RNLS: variants seen among roughly 807,000 people sequenced by gnomAD.
The protein encoded by RNLS is renalase, FAD dependent amine oxidase.
Under a neutral mutation model 39.8 loss-of-function variants are expected in RNLS, and 39 were observed. The observed-to-expected ratio is 0.98, with a 90% CI of 0.76 to 1.28. The LOEUF is 1.28. Among genes scored for constraint, RNLS ranks in the 50% most tolerant of loss-of-function variants. The probability of loss-of-function intolerance (pLI) is 0.00; values close to 1 mark genes in which losing one functional copy is unlikely to be tolerated. For missense variants in RNLS, 410 were observed against 413.3 expected (o/e 0.99, Z 0.07); for synonymous variants, 147 against 150.7 (o/e 0.98, Z 0.18).
At chr10:88,399,995 C>T (rs1267579920) in intron 4 of RNLS, among the ~76,000 whole-genome samples, 1 of 151,908 alleles carries the variant, frequency 6.6e-6, no homozygotes, top group East Asian at 1.9e-4. Flanking sequence ...CTATTTCACT[C>T]GAATCTCTTA....
the RNLS span, among the ~76,000 whole-genome samples, chr10:88,208,002 G>A: frequency 2.0e-5 from 3 of 152,150 alleles, no homozygotes; most frequent in African/African-American, 4.8e-5. Flanking sequence ...TTCTCAGGCC[G>A]ACACAGCCCC....
the RNLS span, among the ~76,000 whole-genome samples, chr10:88,266,245 G>T: frequency 1.3e-5 from 2 of 152,242 alleles, no homozygotes; most frequent in Non-Finnish European, 2.9e-5. Flanking sequence ...TTCTCCACAG[G>T]CTCCCCTGAG....
At chr10:88,300,991 C>T (rs1486599651) in intron 6 of RNLS, among the ~76,000 whole-genome samples, 1 of 152,124 alleles carries the variant, frequency 6.6e-6, no homozygotes, top group East Asian at 1.9e-4. Flanking sequence ...ATGCTGGGGG[C>T]AAGTGAATAT....
At position 88,501,972 on chromosome 10, in the gene RNLS, C is replaced by T. The variant is rs183565511; in HGVS notation, c.526+70931G>A. Among the ~76,000 whole-genome samples the T allele has an allele frequency of 5.3e-5, 8 of 152,154 alleles. No individual in the cohort carries two copies. The East Asian group carries it at 1.6e-3, about 29-fold the overall frequency. On this transcript the variant is annotated intron_variant, in intron 4 of 6. Coordinates refer to ENST00000331772, the MANE Select transcript of RNLS (RefSeq NM_001031709.3). The stretch of plus-strand genomic sequence containing the variant: ...TATAACACTTATTGCATATCTGTCT[C>T]CTCTGTTAGTTTACAAGTTTCTGGA...
intron 4 of RNLS, among the ~76,000 whole-genome samples, chr10:88,459,647 T>C (rs1260444470): frequency 6.6e-6 from 1 of 152,170 alleles, no homozygotes; most frequent in Non-Finnish European, 1.5e-5. Flanking sequence ...TGACTGGGCA[T>C]GTTCCTCTCT....
At position 88,285,072 on chromosome 10, in the gene RNLS, A is replaced by G; in HGVS notation, c.*282T>C. On this transcript the variant is annotated 3_prime_UTR_variant, in exon 7 of 7. Coordinates refer to ENST00000331772, the MANE Select transcript of RNLS (RefSeq NM_001031709.3). ...TGATTTAATGTAATTTTTTTGAGAG[A>G]GTCGTTTGTTATTTTTTAAGTACCA... The G allele has an allele frequency of 9.8e-7, 1 of 1,015,506 alleles. No homozygotes were observed. The highest frequency in any genetic ancestry group is 1.7e-5 in the African/African-American group (1 of 58,672). The allele number at this position is 1,015,506 out of a possible 1,614,324, so 62.9% of individuals were successfully genotyped here.
At chr10:88,540,925 C>T (rs1409835544) in intron 4 of RNLS, among the ~76,000 whole-genome samples, 3 of 150,272 alleles carry the variant, frequency 2.0e-5, no homozygotes, top group South Asian at 2.1e-4. Context: ...CTCCAGGTTT[C>T]GATGTCACCA....
intron 4 of RNLS, among the ~76,000 whole-genome samples, chr10:88,468,621 G>A (rs1201161660): frequency 1.3e-5 from 2 of 152,102 alleles, no homozygotes; most frequent in African/African-American, 4.8e-5. Flanking sequence ...TGCTGTAAGA[G>A]CTACTGGCTT....
chr10:88,273,249 A>G (rs143473246), downstream of RNLS, among the ~76,000 whole-genome samples: 324 of 152,318 alleles, frequency 2.1e-3, 2 homozygotes, highest in Non-Finnish European at 3.6e-3. Flanking sequence ...CACAAGGCCA[A>G]TTGGCTGCCT....
At chr10:88,435,640 A>G (rs1390002816) in intron 4 of RNLS, among the ~76,000 whole-genome samples, 1 of 152,094 alleles carries the variant, frequency 6.6e-6, no homozygotes, top group African/African-American at 2.4e-5. Context: ...CAACACAAAA[A>G]CTATCTCAAT....
intron 4 of RNLS, among the ~76,000 whole-genome samples, chr10:88,395,115 G>T (rs1401592437): frequency 1.3e-5 from 2 of 151,398 alleles, no homozygotes; most frequent in Non-Finnish European, 2.9e-5. Flanking sequence ...AATGGATGCA[G>T]CACACCAACA....
chr10:88,236,159 T>C, the RNLS span, among the ~76,000 whole-genome samples: 28 of 152,344 alleles, frequency 1.8e-4, no homozygotes, highest in African/African-American at 6.5e-4. Context: ...TTGAAAATAG[T>C]TGGATTTTGC....
intron 4 of RNLS, among the ~76,000 whole-genome samples, chr10:88,394,734 C>G (rs1357440109): frequency 6.6e-6 from 1 of 152,146 alleles, no homozygotes; most frequent in African/African-American, 2.4e-5. Context: ...GCTATAAAGA[C>G]ACATGCACAC....
rs1448457811 is a variant in RNLS at position 88,401,743 on chromosome 10, T to C, written c.527-39018A>G. Among the ~76,000 whole-genome samples the C allele has an allele frequency of 3.3e-5, 5 of 151,970 alleles. No individual in the cohort carries two copies. In the East Asian group the frequency reaches 9.7e-4, roughly 29 times the overall value. Reference sequence around the variant, plus strand: ...TTCTACAAAAATAGAACAACTAAGATAGCAAAATCAAAGGCCCGCAGACAA... The same window carrying C: ...TTCTACAAAAATAGAACAACTAAGACAGCAAAATCAAAGGCCCGCAGACAA... On this transcript the variant is annotated intron_variant, in intron 4 of 6. Transcript: ENST00000331772.
intron 6 of RNLS, among the ~76,000 whole-genome samples, chr10:88,275,262 T>C (rs541656210): frequency 6.6e-6 from 1 of 152,308 alleles, no homozygotes; most frequent in African/African-American, 2.4e-5. Context: ...ATTTCAGTTA[T>C]AAAAAATTCT....
chr10:88,468,528 C>T (rs1011096877), intron 4 of RNLS, among the ~76,000 whole-genome samples: 3 of 152,144 alleles, frequency 2.0e-5, no homozygotes, highest in Non-Finnish European at 4.4e-5. Flanking sequence ...TGATAGGAAC[C>T]ACAGTTTTGG....
rs368291720 is a variant in RNLS, at chr10:88,285,564, G to A, written c.877-58C>T. The A allele has an allele frequency of 1.5e-3, 2,177 of 1,434,308 alleles. 50 individuals carry two copies. The South Asian group carries it at 0.025, about 16-fold the overall frequency. The allele number at this position is 1,434,308 out of a possible 1,614,324, so 88.8% of individuals were successfully genotyped here. On this transcript the variant is annotated intron_variant, in intron 6 of 6. Transcript: ENST00000331772. ...TTCTGTGCTCTATTGTGCTGTCATG[G>A]CAACACCCACCTGGAAAAGGTTAGT...
chr10:88,355,874 C>A (rs1849131449), intron 5 of RNLS, among the ~76,000 whole-genome samples: 1 of 152,210 alleles, frequency 6.6e-6, no homozygotes. Flanking sequence ...TTCGAGCTTC[C>A]AGATCGCTTT....
chr10:88,570,522 A>G (rs1787075161), intron 4 of RNLS, among the ~76,000 whole-genome samples: 1 of 152,208 alleles, frequency 6.6e-6, no homozygotes, highest in African/African-American at 2.4e-5. Flanking sequence ...TACTCAGCAC[A>G]CAAGTTCTCT....
Sources: gnomAD v4.1 joint callset for allele counts (sites outside exome capture counted in the v4.1 genomes callset) on GRCh38, gnomAD v4.1.1 for gene constraint, MANE v1.5 for transcripts, NCBI Gene and HGNC (gene_info 2026-07-23, HGNC 2026-07-21) for gene names.